The following OR52N4 variants were observed in gnomAD, a reference collection of about 807,000 sequenced individuals.
OR52N4 encodes the protein olfactory receptor family 52 subfamily N member 4.
In OR52N4, 15 loss-of-function variants were observed where a neutral mutation model predicts 15.0. The observed-to-expected ratio is 1.00, with a 90% CI of 0.67 to 1.54. OR52N4 has a LOEUF of 1.54. Ranked by LOEUF, OR52N4 falls within the 40% of genes most tolerant of loss-of-function variation. The pLI, the probability that OR52N4 is intolerant of heterozygous loss-of-function variation, is 0.00. For missense variants in OR52N4, 421 were observed against 394.0 expected (o/e 1.07, Z -0.58); for synonymous variants, 143 against 143.7 (o/e 1.00, Z 0.03).
chr11:5,749,822 T>C (rs1237429807), upstream of OR52N4, among the ~76,000 whole-genome samples: 1 of 151,962 alleles, frequency 6.6e-6, no homozygotes, highest in Non-Finnish European at 1.5e-5. Flanking sequence ...AGATAGAAGA[T>C]AACATGTATC....
chr11:5,729,216 C>T, the OR52N4 span, among the ~76,000 whole-genome samples: 2 of 150,108 alleles, frequency 1.3e-5, no homozygotes, highest in South Asian at 4.2e-4. Flanking sequence ...GCCTCCCAGG[C>T]TCACACCATT....
chr11:5,752,357 C>T (rs1854208024), upstream of OR52N4, among the ~76,000 whole-genome samples: 2 of 152,180 alleles, frequency 1.3e-5, 1 homozygote, highest in South Asian at 4.1e-4. Flanking sequence ...CTGTCCTCTT[C>T]ATCTTACCCA....
chr11:5,752,036 C>A (rs929026013), upstream of OR52N4, among the ~76,000 whole-genome samples: 15 of 152,072 alleles, frequency 9.9e-5, 1 homozygote, highest in East Asian at 2.3e-3. Flanking sequence ...TAGAGGTTTG[C>A]CTATCACAAA....
chr11:5,736,477 G>A, the OR52N4 span: 1 of 1,592,954 alleles, frequency 6.3e-7, no homozygotes. Context: ...TGTGATAACT[G>A]AGAACAATAC....
In OR52N4 at chr11:5,755,892, A is replaced by C. The variant is rs1854308214; in HGVS notation, c.*186A>C. 2 of 679,272 alleles carry C rather than the reference A, an allele frequency of 2.9e-6. No homozygotes were observed. The highest frequency in any genetic ancestry group is 2.2e-5 in the South Asian group (1 of 45,624). 42.1% of individuals were successfully genotyped at this position (679,272 alleles called of 1,614,324 possible). ...TGGAAGGCCCACCAACATTTCTATA[A>C]ATTTTTTACCTTCTCACTCATGTGA... On this transcript the variant is annotated 3_prime_UTR_variant, in exon 2 of 2. Transcript: ENST00000641350.
At chr11:5,752,364 C>T (rs999399874), upstream of OR52N4, among the ~76,000 whole-genome samples, 4 of 152,162 alleles carry the variant, frequency 2.6e-5, no homozygotes, top group African/African-American at 9.7e-5. Flanking sequence ...CTTCATCTTA[C>T]CCAATAAGGC....
In OR52N4 at chr11:5,754,973, G is replaced by A. The variant is rs190345271; in HGVS notation, c.233G>A (p.Ser78Asn). 3 of 1,613,800 alleles carry A rather than the reference G, an allele frequency of 1.9e-6. No individual in the cohort carries two copies. The highest frequency in any genetic ancestry group is 3.3e-5 in the Admixed American group (2 of 59,964). Reference sequence around the variant, plus strand: ...TTTACTGACCTTGTTATGTGCTCTAGTACAATCCCTAAAGCCCTCTGCATC... The same window carrying A: ...TTTACTGACCTTGTTATGTGCTCTAATACAATCCCTAAAGCCCTCTGCATC... Reference protein sequence around the residue: ...LSFTDLVMCSSTIPKALCIFW... With the variant: ...LSFTDLVMCSNTIPKALCIFW... Residue 78 changes from serine to asparagine, a missense_variant, in exon 2 of 2, where the codon AGT (serine) becomes AAT (asparagine). Transcript: ENST00000641350.
chr11:5,748,387 T>TA, the OR52N4 span, among the ~76,000 whole-genome samples: 1 of 133,340 alleles, frequency 7.5e-6, no homozygotes, highest in Non-Finnish European at 1.6e-5. Flanking sequence ...TATAATCAGT[T>TA]ATTTTTAGCA....
chr11:5,748,772 G>A, the OR52N4 span, among the ~76,000 whole-genome samples: 1 of 152,008 alleles, frequency 6.6e-6, no homozygotes, highest in Non-Finnish European at 1.5e-5. Flanking sequence ...CCATAGGGTA[G>A]TGGAGAAGAA....
chr11:5,738,404 G>C, the OR52N4 span: 2 of 152,152 alleles, frequency 1.3e-5, no homozygotes, highest in African/African-American at 4.8e-5. Context: ...CCAAGGGGCT[G>C]ATAAAGGCTT....
chr11:5,755,095 C>T lies in OR52N4; in HGVS notation c.355C>T (p.Leu119Phe), dbSNP rs775216246. Reference protein sequence around the residue: ...FTGMESGVLMLMALDRYVAIC... With the variant: ...FTGMESGVLMFMALDRYVAIC... ...AGGGATGGAGTCTGGGGTGCTTATG[C>T]TTATGGCCCTGGATCGCTATGTGGC... The change falls in exon 2 of 2, where the codon CTT becomes TTT. Residue 119 changes from leucine (L) to phenylalanine (F), a missense_variant. Coordinates refer to ENST00000641350, the MANE Select transcript of OR52N4 (RefSeq NM_001005175.5). 5.0e-6 allele frequency: 8 copies of T among 1,614,046 alleles called. No individual in the cohort carries two copies. In the Admixed American group the frequency reaches 5.0e-5, roughly 10 times the overall value.
At chr11:5,747,720 T>C in the OR52N4 span, among the ~76,000 whole-genome samples, 1 of 151,984 alleles carries the variant, frequency 6.6e-6, no homozygotes, top group Non-Finnish European at 1.5e-5. Flanking sequence ...ATTAAACCAA[T>C]CCAGATCTTA....
the OR52N4 span, chr11:5,736,976 A>G: frequency 6.2e-7 from 1 of 1,614,094 alleles, no homozygotes; most frequent in Non-Finnish European, 8.5e-7. Flanking sequence ...CTTAAAAGCT[A>G]CCCTGTTCAT....
chr11:5,746,696 G>A, the OR52N4 span, among the ~76,000 whole-genome samples: 4 of 151,992 alleles, frequency 2.6e-5, no homozygotes, highest in Admixed American at 2.0e-4. Flanking sequence ...TACTGTGAGC[G>A]GGAATGTAAA....
At chr11:5,735,630 G>C in the OR52N4 span, among the ~76,000 whole-genome samples, 2 of 152,194 alleles carry the variant, frequency 1.3e-5, no homozygotes, top group South Asian at 4.1e-4. Flanking sequence ...GTAAGGGAAG[G>C]TTAGTTTTCT....
chr11:5,739,661 A>G, the OR52N4 span, among the ~76,000 whole-genome samples: 4 of 127,384 alleles, frequency 3.1e-5, 1 homozygote, highest in African/African-American at 1.1e-4. Context: ...ATTACAGCCT[A>G]GAAAAATTAA....
chr11:5,739,846 C>T, the OR52N4 span, among the ~76,000 whole-genome samples: 3 of 127,746 alleles, frequency 2.3e-5, no homozygotes, highest in South Asian at 5.4e-4. Flanking sequence ...AGTAAGAGGA[C>T]GAGAGCTAGG....
upstream of OR52N4, among the ~76,000 whole-genome samples, chr11:5,750,770 A>G (rs909132921): frequency 3.3e-5 from 5 of 152,032 alleles, no homozygotes; most frequent in Non-Finnish European, 5.9e-5. Flanking sequence ...ATGTTCATAG[A>G]AAAACATTTC....
At chr11:5,735,975 C>T in the OR52N4 span, 2 of 154,524 alleles carry the variant, frequency 1.3e-5, no homozygotes, top group Non-Finnish European at 2.9e-5. Context: ...TTACCTAAAT[C>T]CTGTATTTAT....
Sources: gnomAD v4.1 joint callset for allele counts (sites outside exome capture counted in the v4.1 genomes callset) on GRCh38, gnomAD v4.1.1 for gene constraint, MANE v1.5 for transcripts, NCBI Gene and HGNC (gene_info 2026-07-23, HGNC 2026-07-21) for gene names.